Variants in NALF1 observed in about 807,000 individuals in gnomAD.
The protein encoded by NALF1 is NALCN channel auxiliary factor 1.
A neutral mutation model predicts 48.4 loss-of-function variants in NALF1; 3 were observed. The observed-to-expected ratio is 0.06, with a 90% confidence interval of 0.03 to 0.16. NALF1 has a LOEUF of 0.16. Ranked by LOEUF, NALF1 falls within the 10% of genes least tolerant of loss-of-function variation. The pLI is 1.00. For synonymous variants in NALF1, 262 were observed against 245.7 expected (o/e 1.07, Z -0.62); for missense variants, 526 against 571.5 (o/e 0.92, Z 0.81).
At chr13:107,307,427 T>C (rs1418621026) in intron 1 of NALF1, among the ~76,000 whole-genome samples, 1 of 152,182 alleles carries the variant, frequency 6.6e-6, no homozygotes, top group Non-Finnish European at 1.5e-5. Flanking sequence ...GGGAGGATCA[T>C]ATTTTCTGAT....
intron 1 of NALF1, among the ~76,000 whole-genome samples, chr13:107,411,667 C>A (rs1041114650): frequency 1.3e-5 from 2 of 152,128 alleles, no homozygotes; most frequent in African/African-American, 2.4e-5. Flanking sequence ...CCAAGTCTGA[C>A]GTGTGTCACT....
chr13:107,409,163 A>T (rs1371858120), intron 1 of NALF1, among the ~76,000 whole-genome samples: 1 of 152,154 alleles, frequency 6.6e-6, no homozygotes, highest in Non-Finnish European at 1.5e-5. Context: ...CTTAAGAAAG[A>T]TTAACCACCC....
chr13:107,517,597 T>A (rs1337030319), intron 1 of NALF1, among the ~76,000 whole-genome samples: 1 of 151,858 alleles, frequency 6.6e-6, no homozygotes, highest in Non-Finnish European at 1.5e-5. Flanking sequence ...GCGCCACTGC[T>A]GCACTCCAGC....
intron 1 of NALF1, among the ~76,000 whole-genome samples, chr13:107,500,773 C>T (rs28633749): frequency 0.25 from 37,862 of 150,330 alleles, 4,880 homozygotes; most frequent in East Asian, 0.28. Flanking sequence ...ACTATGCAGC[C>T]ATAAAAAATG....
In NALF1 at chr13:107,351,017, A is replaced by C. The variant is rs528386281; in HGVS notation, c.916-140262T>G. Among the ~76,000 whole-genome samples, 64 of 152,352 alleles carry C rather than the reference A, an allele frequency of 4.2e-4. 2 individuals are homozygous for C. The South Asian group carries it at 0.013, about 31-fold the overall frequency. On this transcript the variant is annotated intron_variant, in intron 1 of 2. Transcript: ENST00000375915. ...AAGTGATCCCATGCTAAAAGGAGAC[A>C]TCGTTGAACTCTAAAATATCAGTAA...
rs201288166 is a variant in NALF1, at chr13:107,769,133, A to G, written c.915+96549T>C. ...CAACCATTGTGGAAGTCAGTGTGGC[A>G]ATTCCTCAGGGATCTAGAACTGGAA... On this transcript the variant is annotated intron_variant, in intron 1 of 2. Transcript: ENST00000375915. Among the ~76,000 whole-genome samples the G allele has an allele frequency of 0.012, 1,696 of 143,402 alleles. 26 individuals are homozygous for G. The East Asian group carries it at 0.13, about 11-fold the overall frequency. The allele number at this position is 143,402 out of a possible 152,430, so 94.1% of individuals were successfully genotyped here. A position where few individuals can be genotyped will look rare whatever the true frequency, so the allele number is the denominator to read the frequency against.
chr13:107,446,042 G>A (rs200898489), intron 1 of NALF1, among the ~76,000 whole-genome samples: 2 of 151,962 alleles, frequency 1.3e-5, no homozygotes, highest in South Asian at 2.1e-4. Flanking sequence ...GGGTTCAAGC[G>A]ATTCTCCTGC....
At chr13:107,376,225 G>A (rs192701543) in intron 1 of NALF1, among the ~76,000 whole-genome samples, 1 of 152,266 alleles carries the variant, frequency 6.6e-6, no homozygotes, top group Admixed American at 6.5e-5. Context: ...AGTGACTGCA[G>A]TCCAACATCT....
chr13:107,222,372 G>C (rs1489261550), intron 1 of NALF1, among the ~76,000 whole-genome samples: 1 of 151,998 alleles, frequency 6.6e-6, no homozygotes, highest in Non-Finnish European at 1.5e-5. Context: ...ACCCATTTAA[G>C]ATTTTTAGCA....
intron 1 of NALF1, among the ~76,000 whole-genome samples, chr13:107,389,763 G>T (rs930407169): frequency 6.6e-6 from 1 of 152,056 alleles, no homozygotes; most frequent in African/African-American, 2.4e-5. Context: ...CATTCTAACT[G>T]CATAGAACAG....
chr13:107,228,086 T>C (rs1218038978), intron 1 of NALF1, among the ~76,000 whole-genome samples: 1 of 152,234 alleles, frequency 6.6e-6, no homozygotes, highest in Admixed American at 6.5e-5. Flanking sequence ...ATTGATCATT[T>C]ATATTCATTG....
At chr13:107,267,163 A>T (rs144185952) in intron 1 of NALF1, among the ~76,000 whole-genome samples, 28 of 152,210 alleles carry the variant, frequency 1.8e-4, no homozygotes, top group African/African-American at 6.3e-4. Context: ...TTTTCCCTCA[A>T]AATAGAGCAA....
chr13:107,175,981 C>T (rs542212551), intron 2 of NALF1, among the ~76,000 whole-genome samples: 2 of 152,234 alleles, frequency 1.3e-5, no homozygotes, highest in African/African-American at 4.8e-5. Flanking sequence ...CCTTCTTCAC[C>T]CCCTCATAGG....
At chr13:107,232,667 T>G (rs996649171) in intron 1 of NALF1, among the ~76,000 whole-genome samples, 2 of 152,148 alleles carry the variant, frequency 1.3e-5, no homozygotes, top group African/African-American at 2.4e-5. Flanking sequence ...TGATCTAGGC[T>G]GAAATGATGA....
At chr13:107,627,452 T>C (rs1470085234) in intron 1 of NALF1, among the ~76,000 whole-genome samples, 1 of 152,052 alleles carries the variant, frequency 6.6e-6, no homozygotes, top group Non-Finnish European at 1.5e-5. Context: ...CTCAGTGTTA[T>C]TTACCATGAG....
chr13:107,866,664 G>A lies in NALF1; in HGVS notation c.-68C>T. The A allele has an allele frequency of 1.5e-6, 2 of 1,329,142 alleles. No homozygotes were observed. The highest frequency in any genetic ancestry group is 2.0e-5 in the Admixed American group (1 of 49,618). The allele number at this position is 1,329,142 out of a possible 1,614,324, so 82.3% of individuals were successfully genotyped here. A position where few individuals can be genotyped will look rare whatever the true frequency, so the allele number is the denominator to read the frequency against. ...GCCTGTGCCGGTGTCACCACAATAT[G>A]CATTGACTTAAAGGGTTTAATTTCC... On this transcript the variant is annotated 5_prime_UTR_variant, in exon 1 of 3. Coordinates refer to ENST00000375915, the MANE Select transcript of NALF1 (RefSeq NM_001080396.3). This position sits in a 1 kb window ranked among gnomAD's most constrained non-coding sequence, Gnocchi z 4.4.
intron 1 of NALF1, among the ~76,000 whole-genome samples, chr13:107,335,331 G>C (rs1203542777): frequency 1.3e-5 from 2 of 152,136 alleles, no homozygotes; most frequent in African/African-American, 4.8e-5. Context: ...ATTGGGCACT[G>C]TCATTAAAAC....
At chr13:107,837,680 C>A (rs1879935712) in intron 1 of NALF1, among the ~76,000 whole-genome samples, 1 of 145,728 alleles carries the variant, frequency 6.9e-6, no homozygotes, top group African/African-American at 2.5e-5. Context: ...GCCCCACCAG[C>A]TGCGCAGACT....
In NALF1 at chr13:107,866,310, CGCTGCTGCT is replaced by C. The variant is rs752579719; in HGVS notation, c.278_286del (p.Gln93_Gln95del). ...GGGCCAGGAGGGCTCCTGCTGCCGC[CGCTGCTGCT>C]GCTGCTGCTGCCGCTGCCTCTGCTG... On this transcript the variant is annotated inframe_deletion, in exon 1 of 3. Coordinates refer to ENST00000375915, the MANE Select transcript of NALF1 (RefSeq NM_001080396.3). The surrounding 1 kb of genome is among the most constrained non-coding windows in gnomAD (Gnocchi z 4.4). The C allele has an allele frequency of 3.7e-6, 6 of 1,602,756 alleles. No homozygotes were observed. The South Asian group carries it at 4.4e-5, about 12-fold the overall frequency.
Sources: allele counts gnomAD v4.1 joint callset (sites outside exome capture counted in the v4.1 genomes callset), GRCh38; gene constraint gnomAD v4.1.1; non-coding constraint Gnocchi (gnomAD v3.1); transcripts MANE v1.5; gene names NCBI Gene and HGNC (gene_info 2026-07-23, HGNC 2026-07-21).